Variants in BTBD9 observed in about 807,000 individuals in gnomAD.
The protein encoded by BTBD9 is BTB/POZ domain-containing protein 9.
BTBD9 carries 49 observed loss-of-function variants against 64.3 expected under a neutral mutation model. That is an observed-to-expected ratio of 0.76 (90% CI 0.61 to 0.97). The LOEUF (loss-of-function observed/expected upper bound fraction) is 0.97, where lower values mean the gene tolerates loss of function less well. Among genes scored for constraint, BTBD9 ranks in the 50% least tolerant of loss-of-function variants. The pLI is 0.00. For missense variants in BTBD9, 598 were observed against 762.1 expected, an observed-to-expected ratio of 0.78 and a Z score of 2.53; for synonymous variants, 260 against 274.7, an observed-to-expected ratio of 0.95 and a Z score of 0.53.
At chr6:38,419,492 A>G (rs1767811455) in intron 6 of BTBD9, among the ~76,000 whole-genome samples, 2 of 152,230 alleles carry the variant, frequency 1.3e-5, no homozygotes, top group Admixed American at 6.5e-5. Flanking sequence ...CTTAAAATAC[A>G]TTGTGATTAA....
intron 6 of BTBD9, among the ~76,000 whole-genome samples, chr6:38,523,666 A>C (rs530682299): frequency 1.3e-5 from 2 of 152,126 alleles, no homozygotes; most frequent in African/African-American, 4.8e-5. Flanking sequence ...AAGTTCTTCC[A>C]ACAACATTTT....
chr6:38,249,374 G>A (rs779889646), intron 9 of BTBD9, among the ~76,000 whole-genome samples: 22 of 151,988 alleles, frequency 1.4e-4, no homozygotes, highest in South Asian at 4.1e-4. Context: ...CCCGCTCAGC[G>A]TCCTAAGTAG....
chr6:38,525,768 G>T (rs1773460976), intron 6 of BTBD9, among the ~76,000 whole-genome samples: 1 of 152,128 alleles, frequency 6.6e-6, no homozygotes, highest in Non-Finnish European at 1.5e-5. Context: ...TGAACTTGAG[G>T]GAGATGATTT....
intron 7 of BTBD9, among the ~76,000 whole-genome samples, chr6:38,328,970 G>A (rs1582238954): frequency 4.4e-5 from 1 of 22,666 alleles, no homozygotes; most frequent in Admixed American, 4.9e-4. Flanking sequence ...AAGAAAATAT[G>A]TGTGTGTGTG....
At chr6:38,331,846 C>A (rs1763686293) in intron 7 of BTBD9, among the ~76,000 whole-genome samples, 3 of 152,034 alleles carry the variant, frequency 2.0e-5, no homozygotes, top group Admixed American at 2.0e-4. Flanking sequence ...GTGACAGAGA[C>A]CCTCTCTTGG....
chr6:38,633,295 T>C lies in BTBD9; in HGVS notation c.-28+6505A>G, dbSNP rs570164871. The stretch of plus-strand genomic sequence containing the variant: ...GCAGAGTCCACACCTGGGTCTGTAC[T>C]GGAGCCCAGTCCCACTTCTCACTGG... On this transcript the variant is annotated intron_variant, in intron 1 of 10. Transcript: ENST00000481247. Among the ~76,000 whole-genome samples the C allele has an allele frequency of 2.2e-4, 33 of 152,358 alleles. No individual in the cohort carries two copies. In the East Asian group the frequency reaches 5.2e-3, roughly 24 times the overall value.
At chr6:38,266,576 CAAGA>C (rs1437633115) in intron 8 of BTBD9, among the ~76,000 whole-genome samples, 2 of 114,072 alleles carry the variant, frequency 1.8e-5, no homozygotes, top group Non-Finnish European at 3.6e-5. Context: ...TCAGTCTCAA[CAAGA>C]AAGAAAGGAA....
intron 6 of BTBD9, among the ~76,000 whole-genome samples, chr6:38,528,130 T>G (rs575012535): frequency 6.2e-4 from 94 of 152,154 alleles, no homozygotes; most frequent in African/African-American, 2.2e-3. Flanking sequence ...CAGAGTGTAG[T>G]GACTGTGGGA....
At chr6:38,175,908 C>G (rs1189851693) in intron 10 of BTBD9, among the ~76,000 whole-genome samples, 9 of 152,232 alleles carry the variant, frequency 5.9e-5, no homozygotes, top group Admixed American at 6.5e-5. Flanking sequence ...AACAAACGCC[C>G]CCAATGTGTA....
intron 9 of BTBD9, among the ~76,000 whole-genome samples, chr6:38,212,602 C>A (rs79289102): frequency 2.0e-5 from 3 of 152,078 alleles, no homozygotes; most frequent in Non-Finnish European, 4.4e-5. Context: ...CAGAGCCAGC[C>A]GCTTGGCCAC....
chr6:38,430,177 CT>C (rs573272019), intron 6 of BTBD9, among the ~76,000 whole-genome samples: 56 of 152,058 alleles, frequency 3.7e-4, no homozygotes, highest in Admixed American at 2.9e-3. Flanking sequence ...CTTTTCCTTA[CT>C]TTTTTTCCTT....
chr6:38,500,596 T>C (rs111597555), intron 6 of BTBD9, among the ~76,000 whole-genome samples: 20 of 152,350 alleles, frequency 1.3e-4, no homozygotes, highest in African/African-American at 4.8e-4. Flanking sequence ...TTCTCTTCCA[T>C]TAACTCTGAG....
At chr6:38,379,342 C>G (rs1765829914) in intron 6 of BTBD9, among the ~76,000 whole-genome samples, 1 of 152,196 alleles carries the variant, frequency 6.6e-6, no homozygotes, top group Non-Finnish European at 1.5e-5. Context: ...CCAGTTCAGA[C>G]TGAAGCAACT....
At chr6:38,421,921 C>CTGT (rs1767920572) in intron 6 of BTBD9, among the ~76,000 whole-genome samples, 1 of 152,174 alleles carries the variant, frequency 6.6e-6, no homozygotes, top group Non-Finnish European at 1.5e-5. Flanking sequence ...AAGTAATGAT[C>CTGT]AGTTACTCTT....
In BTBD9 at chr6:38,510,644, T is replaced by C. The variant is rs1054266484; in HGVS notation, c.1154+66956A>G. 3.9e-5 allele frequency among the ~76,000 whole-genome samples: 6 copies of C among 152,380 alleles called. No homozygotes were observed. In the East Asian group the frequency reaches 1.2e-3, roughly 29 times the overall value. On this transcript the variant is annotated intron_variant, in intron 6 of 10. Coordinates refer to ENST00000481247, the MANE Select transcript of BTBD9 (RefSeq NM_001099272.2). ...GCTTAAAACACAAACATTGTATAGC[T>C]GTACAAAAATATTACCTTTATATCC...
At chr6:38,178,951 C>G (rs1761414850) in intron 10 of BTBD9, among the ~76,000 whole-genome samples, 1 of 152,124 alleles carries the variant, frequency 6.6e-6, no homozygotes, top group Admixed American at 6.5e-5. Flanking sequence ...CTCCCAGGTT[C>G]AAGCGATTCT....
intron 7 of BTBD9, among the ~76,000 whole-genome samples, chr6:38,329,810 G>T (rs1170723580): frequency 6.6e-6 from 1 of 151,976 alleles, no homozygotes; most frequent in Non-Finnish European, 1.5e-5. Flanking sequence ...AAAACTAGCG[G>T]GGCGTGATGG....
chr6:38,238,165 T>A (rs536890278), intron 9 of BTBD9, among the ~76,000 whole-genome samples: 116 of 152,234 alleles, frequency 7.6e-4, no homozygotes, highest in African/African-American at 2.6e-3. Flanking sequence ...AAACAAAAAA[T>A]TTGAAGAAAT....
intron 9 of BTBD9, among the ~76,000 whole-genome samples, chr6:38,195,471 G>A (rs1301943896): frequency 2.0e-5 from 3 of 152,148 alleles, no homozygotes; most frequent in Non-Finnish European, 4.4e-5. Flanking sequence ...TGTTTGAACA[G>A]GAGCAGTGAA....
Sources: gnomAD v4.1 joint callset for allele counts (sites outside exome capture counted in the v4.1 genomes callset) on GRCh38, gnomAD v4.1.1 for gene constraint, MANE v1.5 for transcripts, NCBI Gene and HGNC (gene_info 2026-07-23, HGNC 2026-07-21) for gene names.